Variants in SLC25A11 observed in about 807,000 individuals in gnomAD.
The protein encoded by SLC25A11 is solute carrier family 25 member 11, also known as mitochondrial 2-oxoglutarate/malate carrier protein.
A neutral mutation model predicts 32.7 loss-of-function variants in SLC25A11; 11 were observed. The observed-to-expected ratio is 0.34, with a 90% CI of 0.21 to 0.56. The LOEUF (loss-of-function observed/expected upper bound fraction) is 0.56, where lower values mean the gene tolerates loss of function less well. Ranked by LOEUF, SLC25A11 falls within the 20% of genes least tolerant of loss-of-function variation. The probability of loss-of-function intolerance (pLI) is 0.90; values close to 1 mark genes in which losing one functional copy is unlikely to be tolerated. For missense variants in SLC25A11, 295 were observed against 426.3 expected, an observed-to-expected ratio of 0.69 and a Z score of 2.71; for synonymous variants, 163 against 168.3, an observed-to-expected ratio of 0.97 and a Z score of 0.24.
chr17:4,939,970 G>A lies in SLC25A11; in HGVS notation c.-60C>T. ...CGCGCGCGGCCCCGCTCGCGCCCAAGGTGACACCGCGCGCGCAACAGAGCG... is the reference window on the plus strand; with the variant it reads ...CGCGCGCGGCCCCGCTCGCGCCCAAAGTGACACCGCGCGCGCAACAGAGCG... On this transcript the variant is annotated 5_prime_UTR_variant, in exon 1 of 8. Coordinates refer to ENST00000225665, the MANE Select transcript of SLC25A11 (RefSeq NM_003562.5). The surrounding 1 kb of genome is among the most constrained non-coding windows in gnomAD (Gnocchi z 4.1). 1 of 1,304,574 alleles carries A rather than the reference G, an allele frequency of 7.7e-7. No individual in the cohort carries two copies. Among genetic ancestry groups the A allele is most frequent in the Non-Finnish European group, 1.0e-6 (1 of 967,238 alleles). The allele number at this position is 1,304,574 out of a possible 1,614,324, so 80.8% of individuals were successfully genotyped here. A position where few individuals can be genotyped will look rare whatever the true frequency, so the allele number is the denominator to read the frequency against.
chr17:4,938,281 T>A lies in SLC25A11; in HGVS notation c.638-28A>T. 1 of 1,612,426 alleles carries A rather than the reference T, an allele frequency of 6.2e-7. No homozygotes were observed. The highest frequency in any genetic ancestry group is 8.5e-7 in the Non-Finnish European group (1 of 1,178,978). On this transcript the variant is annotated intron_variant, in intron 5 of 7. Transcript: ENST00000225665. The surrounding 1 kb of genome is among the most constrained non-coding windows in gnomAD (Gnocchi z 7.6). ...GGGGGAGGTGAGGCGGGGGTGGCAG[T>A]CAGCTCAGAGGTGGCTCAGGCCAGG...
rs1342505951 is a variant in SLC25A11 at position 4,938,743 on chromosome 17, G to T, written c.455+26C>A. 10 of 1,601,096 alleles carry T rather than the reference G, an allele frequency of 6.2e-6. No individual in the cohort carries two copies. In the Admixed American group the frequency reaches 1.0e-4, roughly 16 times the overall value. On this transcript the variant is annotated intron_variant, in intron 3 of 7. Transcript: ENST00000225665. The surrounding 1 kb of genome is among the most constrained non-coding windows in gnomAD (Gnocchi z 7.6). ...TTCTAGATTCGAGGGAATGGGGCTG[G>T]GGTTAGGTTCAGACTTGGAACTCAC...
Position 4,937,916 on chromosome 17 carries a change from G to A in SLC25A11, c.790-20C>T. The stretch of plus-strand genomic sequence containing the variant: ...CACGTCCTAGACACAGACAGGCAGG[G>A]CGCTGGGGCTAGGACTCTAGGTCCC... On this transcript the variant is annotated intron_variant, in intron 7 of 7. Transcript: ENST00000225665. The A allele has an allele frequency of 1.2e-6, 2 of 1,612,626 alleles. No individual in the cohort carries two copies. The highest frequency in any genetic ancestry group is 2.7e-5 in the African/African-American group (2 of 75,036).
At position 4,939,325 on chromosome 17, in the gene SLC25A11, A is replaced by C; in HGVS notation, c.96-113T>G. 8.4e-7 allele frequency: 1 copy of C among 1,189,992 alleles called. No individual in the cohort carries two copies. The highest frequency in any genetic ancestry group is 1.2e-6 in the Non-Finnish European group (1 of 861,438). The allele number at this position is 1,189,992 out of a possible 1,614,324, so 73.7% of individuals were successfully genotyped here. A position where few individuals can be genotyped will look rare whatever the true frequency, so the allele number is the denominator to read the frequency against. On this transcript the variant is annotated intron_variant, in intron 1 of 7. Coordinates refer to ENST00000225665, the MANE Select transcript of SLC25A11 (RefSeq NM_003562.5). This position sits in a 1 kb window ranked among gnomAD's most constrained non-coding sequence, Gnocchi z 4.1. ...TCAGGGCCTGCCATGCGATTCAAGA[A>C]TCAGGATGCTGGTGAGCATGTGTAT...
Position 4,940,018 on chromosome 17 carries a change from G to C in SLC25A11, c.-108C>G. The C allele has an allele frequency of 1.4e-6, 1 of 709,956 alleles. No individual in the cohort carries two copies. The highest frequency in any genetic ancestry group is 2.7e-5 in the South Asian group (1 of 36,956). The allele number at this position is 709,956 out of a possible 1,614,324, so 44.0% of individuals were successfully genotyped here. On this transcript the variant is annotated 5_prime_UTR_variant, in exon 1 of 8. Transcript: ENST00000225665. ...GCGAGGGCGCGCGCACGCCCCTCCA[G>C]CTCTCAGGTCCGACACCCGCTGGAA...
At position 4,938,542 on chromosome 17, in the gene SLC25A11, G is replaced by C. The variant is rs755602409; in HGVS notation, c.516C>G (p.Thr172=). The part of the protein sequence containing the change: ...KNVFNALIRI[T]REEGVLTLWR... Reference sequence around the variant, plus strand: ...ACAGTGTGAGGACACCCTCTTCCCGGGTGATTCGAATCAGGGCGTTAAACA... The same window carrying C: ...ACAGTGTGAGGACACCCTCTTCCCGCGTGATTCGAATCAGGGCGTTAAACA... The change falls in exon 4 of 8, where the codon ACC becomes ACG. Residue 172 remains threonine (T), a synonymous_variant. Coordinates refer to ENST00000225665, the MANE Select transcript of SLC25A11 (RefSeq NM_003562.5). This position sits in a 1 kb window ranked among gnomAD's most constrained non-coding sequence, Gnocchi z 7.6. 7.4e-6 allele frequency: 12 copies of C among 1,613,960 alleles called. No homozygotes were observed. Among genetic ancestry groups the C allele is most frequent in the East Asian group, 2.2e-5 (1 of 44,892 alleles).
rs761727005 is a variant in SLC25A11, at chr17:4,937,699, G to C, written c.*42C>G. ...GCAGAGCCCAGGCCCCCAGGGCGCA[G>C]TGGCTATAGGCGCAGCAGGCGAGTG... is the stretch of plus-strand genomic sequence containing the variant. On this transcript the variant is annotated 3_prime_UTR_variant, in exon 8 of 8. Coordinates refer to ENST00000225665, the MANE Select transcript of SLC25A11 (RefSeq NM_003562.5). 6 of 1,558,810 alleles carry C rather than the reference G, an allele frequency of 3.8e-6. No homozygotes were observed. The South Asian group carries it at 7.2e-5, about 19-fold the overall frequency.
rs1046536576 is a variant in SLC25A11, at chr17:4,937,597, G to A, written c.*144C>T. The A allele has an allele frequency of 9.6e-6, 9 of 937,984 alleles. No homozygotes were observed. Among genetic ancestry groups the A allele is most frequent in the South Asian group, 1.8e-5 (1 of 56,134 alleles). 58.1% of individuals were successfully genotyped at this position (937,984 alleles called of 1,614,324 possible). A position where few individuals can be genotyped will look rare whatever the true frequency, so the allele number is the denominator to read the frequency against. ...CGAGCAGGGCAAGCTGGAGCAGGGG[G>A]TAGAACAGACCAAGTCCTTTACCGC... On this transcript the variant is annotated 3_prime_UTR_variant, in exon 8 of 8. Transcript: ENST00000225665.
chr17:4,938,723 G>C lies in SLC25A11; in HGVS notation c.455+46C>G. On this transcript the variant is annotated intron_variant, in intron 3 of 7. Coordinates refer to ENST00000225665, the MANE Select transcript of SLC25A11 (RefSeq NM_003562.5). The surrounding 1 kb of genome is among the most constrained non-coding windows in gnomAD (Gnocchi z 7.6). The stretch of plus-strand genomic sequence containing the variant: ...ATAAAAAACTGGTCCTTTCATTCTA[G>C]ATTCGAGGGAATGGGGCTGGGGTTA... The C allele has an allele frequency of 1.3e-6, 2 of 1,595,440 alleles. No homozygotes were observed. Among genetic ancestry groups the C allele is most frequent in the East Asian group, 2.2e-5 (1 of 44,612 alleles).
chr17:4,938,237 G>A lies in SLC25A11; in HGVS notation c.654C>T (p.Asn218=). ...TGCTGGCACAGAAGTGGCACAAGATGTTGTCAGAGAAGTAGCCTGGGGGAG... is the reference window on the plus strand; with the variant it reads ...TGCTGGCACAGAAGTGGCACAAGATATTGTCAGAGAAGTAGCCTGGGGGAG... ...FLLDSGYFSD[N]ILCHFCASMI... Residue 218 remains asparagine, a synonymous_variant, in exon 6 of 8, where the codon AAC becomes AAT. Coordinates refer to ENST00000225665, the MANE Select transcript of SLC25A11 (RefSeq NM_003562.5). This position sits in a 1 kb window ranked among gnomAD's most constrained non-coding sequence, Gnocchi z 7.6. 1 of 1,613,768 alleles carries A rather than the reference G, an allele frequency of 6.2e-7. No individual in the cohort carries two copies. Among genetic ancestry groups the A allele is most frequent in the South Asian group, 1.1e-5 (1 of 91,058 alleles).
chr17:4,940,032 C>T lies in SLC25A11; in HGVS notation c.-122G>A. ...ACGCCCCTCCAGCTCTCAGGTCCGA[C>T]ACCCGCTGGAAGCCGGCGCGGGCGC... is the stretch of plus-strand genomic sequence containing the variant. On this transcript the variant is annotated 5_prime_UTR_variant, in exon 1 of 8. Coordinates refer to ENST00000225665, the MANE Select transcript of SLC25A11 (RefSeq NM_003562.5). 1 of 614,994 alleles carries T rather than the reference C, an allele frequency of 1.6e-6. No individual in the cohort carries two copies. The highest frequency in any genetic ancestry group is 2.5e-6 in the Non-Finnish European group (1 of 392,558). The allele number at this position is 614,994 out of a possible 1,614,324, so 38.1% of individuals were successfully genotyped here. A position where few individuals can be genotyped will look rare whatever the true frequency, so the allele number is the denominator to read the frequency against.
Position 4,937,725 on chromosome 17 carries a change from G to A in SLC25A11, c.*16C>T. ...TGGCTATAGGCGCAGCAGGCGAGTG[G>A]GAGCCCCCGGCCGCTTCAGCCACTG... On this transcript the variant is annotated 3_prime_UTR_variant, in exon 8 of 8. Transcript: ENST00000225665. The A allele has an allele frequency of 1.3e-6, 2 of 1,593,936 alleles. No homozygotes were observed. Among genetic ancestry groups the A allele is most frequent in the South Asian group, 2.3e-5 (2 of 88,454 alleles).
rs765995612 is a variant in SLC25A11 at position 4,938,816 on chromosome 17, C to T, written c.408G>A (p.Val136=). ...GMTAGATGAF[V]GTPAEVALIR... is the part of the protein sequence containing the mutation. ...TAAGAGCCACTTCGGCTGGTGTTCC[C>T]ACAAAGGCACCAGTGGCACCTGCGG... The change falls in exon 3 of 8, where the codon GTG becomes GTA. Residue 136 remains valine (V), a synonymous_variant. Coordinates refer to ENST00000225665, the MANE Select transcript of SLC25A11 (RefSeq NM_003562.5). This position sits in a 1 kb window ranked among gnomAD's most constrained non-coding sequence, Gnocchi z 7.6. The T allele has an allele frequency of 4.3e-6, 7 of 1,613,870 alleles. No individual in the cohort carries two copies. The South Asian group carries it at 7.7e-5, about 18-fold the overall frequency.
chr17:4,939,343 A>C lies in SLC25A11; in HGVS notation c.96-131T>G. The C allele has an allele frequency of 5.7e-6, 6 of 1,052,400 alleles. No individual in the cohort carries two copies. Among genetic ancestry groups the C allele is most frequent in the Non-Finnish European group, 8.1e-6 (6 of 741,206 alleles). 65.2% of individuals were successfully genotyped at this position (1,052,400 alleles called of 1,614,324 possible). On this transcript the variant is annotated intron_variant, in intron 1 of 7. Coordinates refer to ENST00000225665, the MANE Select transcript of SLC25A11 (RefSeq NM_003562.5). This position sits in a 1 kb window ranked among gnomAD's most constrained non-coding sequence, Gnocchi z 4.1. Reference sequence around the variant, plus strand: ...TTCAAGAATCAGGATGCTGGTGAGCATGTGTATAAGAGTCTATATGTACAC... The same window carrying C: ...TTCAAGAATCAGGATGCTGGTGAGCCTGTGTATAAGAGTCTATATGTACAC...
Position 4,939,106 on chromosome 17 carries a change from G to T in SLC25A11, c.202C>A (p.Leu68Ile), listed in dbSNP as rs1358459299. 1 of 1,614,090 alleles carries T rather than the reference G, an allele frequency of 6.2e-7. No individual in the cohort carries two copies. Among genetic ancestry groups the T allele is most frequent in the African/African-American group, 1.3e-5 (1 of 74,936 alleles). ...CCTTCTGCCTTCAGGATACTGGTGA[G>T]GGCATGGAAGCTGGTTTTGTACTCT... ...TREYKTSFHA[L>I]TSILKAEGLR... The change falls in exon 2 of 8, where the codon CTC (leucine) becomes ATC (isoleucine). Residue 68 changes from leucine (L) to isoleucine (I), a missense_variant. By Grantham distance (5) the Leu-to-Ile change is conservative. Around this residue, in one of 3 missense-constraint regions of SLC25A11, gnomAD observed 104 missense variants for 121.5 expected, o/e 0.86. Coordinates refer to ENST00000225665, the MANE Select transcript of SLC25A11 (RefSeq NM_003562.5). This position sits in a 1 kb window ranked among gnomAD's most constrained non-coding sequence, Gnocchi z 4.1.
In SLC25A11 at chr17:4,937,159, G is replaced by C. The variant is rs1970445199; in HGVS notation, c.*582C>G. 6.6e-6 allele frequency: 1 copy of C among 152,202 alleles called. No homozygotes were observed. The highest frequency in any genetic ancestry group is 6.5e-5 in the Admixed American group (1 of 15,280). 9.4% of individuals were successfully genotyped at this position (152,202 alleles called of 1,614,324 possible). ...AGTTTTTCTGGCCCTGTCAGCTGCT[G>C]TGGCATGACAGATTTATACAGCATT... On this transcript the variant is annotated 3_prime_UTR_variant, in exon 8 of 8. Transcript: ENST00000225665.
chr17:4,937,787 A>G lies in SLC25A11; in HGVS notation c.899T>C (p.Leu300Ser). 1 of 1,614,026 alleles carries G rather than the reference A, an allele frequency of 6.2e-7. No homozygotes were observed. Among genetic ancestry groups the G allele is most frequent in the Non-Finnish European group, 8.5e-7 (1 of 1,179,962 alleles). ...GPHTVLTFIF[L>S]EQMNKAYKRL... is the part of the protein sequence containing the mutation. ...CTTGTAGGCCTTGTTCATCTGCTCC[A>G]AGAAGATGAAGGTGAGGACGGTGTG... Residue 300 changes from leucine to serine, a missense_variant, in exon 8 of 8, where the codon TTG (leucine) becomes TCG (serine). Coordinates refer to ENST00000225665, the MANE Select transcript of SLC25A11 (RefSeq NM_003562.5).
Position 4,938,875 on chromosome 17 carries a change from G to A in SLC25A11, c.349C>T (p.Pro117Ser). The A allele has an allele frequency of 6.2e-7, 1 of 1,614,158 alleles. No individual in the cohort carries two copies. The highest frequency in any genetic ancestry group is 8.5e-7 in the Non-Finnish European group (1 of 1,180,038). Reference protein sequence around the residue: ...ERLTGADGTPPGFLLKAVIGM... With the variant: ...ERLTGADGTPSGFLLKAVIGM... ...ATCACAGCCTTCAGCAGAAAGCCAG[G>A]GGGAGTACCATCAGCCCCAGTCAGG... Residue 117 changes from proline (P) to serine (S), a missense_variant, in exon 3 of 8, where the codon CCT becomes TCT. Physicochemically the swap from Pro to Ser is moderately conservative, Grantham distance 74 (BLOSUM62 -1). Transcript: ENST00000225665. This position sits in a 1 kb window ranked among gnomAD's most constrained non-coding sequence, Gnocchi z 7.6.
chr17:4,938,113 G>A lies in SLC25A11; in HGVS notation c.738-39C>T, dbSNP rs754040444. ...CGCAGGGGCATGAGAGACCGAAAGGGCACCCTCCCACCCACCTCCAGGCCC... is the reference window on the plus strand; with the variant it reads ...CGCAGGGGCATGAGAGACCGAAAGGACACCCTCCCACCCACCTCCAGGCCC... On this transcript the variant is annotated intron_variant, in intron 6 of 7. Coordinates refer to ENST00000225665, the MANE Select transcript of SLC25A11 (RefSeq NM_003562.5). The surrounding 1 kb of genome is among the most constrained non-coding windows in gnomAD (Gnocchi z 7.6). The A allele has an allele frequency of 1.9e-6, 3 of 1,613,990 alleles. No homozygotes were observed. The highest frequency in any genetic ancestry group is 2.5e-6 in the Non-Finnish European group (3 of 1,179,880).
Sources: gnomAD v4.1 joint callset for allele counts on GRCh38, gnomAD v4.1.1 for gene constraint, gnomAD v4.1.1 regional missense constraint, Gnocchi (gnomAD v3.1) non-coding constraint, MANE v1.5 for transcripts, NCBI Gene and HGNC (gene_info 2026-07-23, HGNC 2026-07-21) for gene names.